AFG1L: variants seen among roughly 807,000 people sequenced by gnomAD.
AFG1L encodes AFG1 like ATPase.
Under a neutral mutation model 62.2 loss-of-function variants are expected in AFG1L, and 53 were observed. The ratio of observed to expected loss-of-function variants is 0.85; its 90% CI spans 0.68 to 1.07. The LOEUF (loss-of-function observed/expected upper bound fraction) is 1.07, where lower values mean the gene tolerates loss of function less well. AFG1L is among the 50% of genes least tolerant of loss of function. The pLI is 0.00. For missense variants in AFG1L, 555 were observed against 590.5 expected (o/e 0.94, Z 0.62); for synonymous variants, 228 against 210.3 (o/e 1.08, Z -0.73).
chr6:108,307,690 C>T (rs1777258725), intron 1 of AFG1L, among the ~76,000 whole-genome samples: 1 of 152,154 alleles, frequency 6.6e-6, no homozygotes, highest in South Asian at 2.1e-4. Flanking sequence ...TTCTGTTGGG[C>T]AGATACCAAA....
chr6:108,387,709 C>A (rs1006185493), intron 6 of AFG1L: 1 of 151,936 alleles, frequency 6.6e-6, no homozygotes, highest in Non-Finnish European at 1.5e-5. Context: ...TTTTTTCTTT[C>A]TTGTATCAAG....
intron 2 of AFG1L, among the ~76,000 whole-genome samples, chr6:108,332,922 C>G (rs1778331219): frequency 6.6e-6 from 1 of 151,910 alleles, no homozygotes; most frequent in African/African-American, 2.4e-5. Context: ...ATTTCTTATA[C>G]AAGATATGAA....
At chr6:108,382,117 C>T (rs1780565864) in intron 6 of AFG1L, among the ~76,000 whole-genome samples, 1 of 151,268 alleles carries the variant, frequency 6.6e-6, no homozygotes, top group South Asian at 2.1e-4. Flanking sequence ...TTTCCTGCCT[C>T]AGCCTCCCGA....
chr6:108,386,683 G>T (rs1780776593), intron 6 of AFG1L, among the ~76,000 whole-genome samples: 1 of 152,236 alleles, frequency 6.6e-6, no homozygotes, highest in South Asian at 2.1e-4. Context: ...AAATGTAATT[G>T]ATTGTTTTAC....
intron 8 of AFG1L, among the ~76,000 whole-genome samples, chr6:108,465,267 T>G (rs1002110668): frequency 1.3e-5 from 2 of 152,218 alleles, no homozygotes; most frequent in Admixed American, 1.3e-4. Flanking sequence ...TCATGTTAAA[T>G]TTAGTGCCGT....
chr6:108,334,928 G>A (rs916242793), intron 2 of AFG1L, among the ~76,000 whole-genome samples: 1 of 151,852 alleles, frequency 6.6e-6, no homozygotes, highest in African/African-American at 2.4e-5. Flanking sequence ...CCATCCTTTC[G>A]TTATGGCTCA....
chr6:108,381,647 ACATACGTGATTC>A (rs1562121645), intron 6 of AFG1L, among the ~76,000 whole-genome samples: 1 of 152,256 alleles, frequency 6.6e-6, no homozygotes, highest in Non-Finnish European at 1.5e-5. Context: ...TTGAAATTTC[ACATACGTGATTC>A]TCACGTTTTA....
At chr6:108,521,752 CAG>C (rs1185763434) in intron 12 of AFG1L, 3 of 152,540 alleles carry the variant, frequency 2.0e-5, no homozygotes, top group South Asian at 4.1e-4. Context: ...CTCACAGAGA[CAG>C]AGTTTCCCAA....
At chr6:108,379,713 A>C (rs1780415220) in intron 6 of AFG1L, among the ~76,000 whole-genome samples, 1 of 152,234 alleles carries the variant, frequency 6.6e-6, no homozygotes, top group South Asian at 2.1e-4. Context: ...AATTCTCTGC[A>C]TGAGGATGAG....
chr6:108,312,793 C>G (rs1037046043), intron 1 of AFG1L, among the ~76,000 whole-genome samples: 3 of 151,750 alleles, frequency 2.0e-5, no homozygotes, highest in African/African-American at 7.3e-5. Context: ...GAGGTAGAGT[C>G]TCACTCTGTT....
intron 6 of AFG1L, among the ~76,000 whole-genome samples, chr6:108,392,778 TA>T: frequency 6.6e-6 from 1 of 152,246 alleles, no homozygotes; most frequent in Non-Finnish European, 1.5e-5. Context: ...CATGAAACCA[TA>T]AAATTATTGT....
At chr6:108,429,197 T>C (rs1470199189) in intron 7 of AFG1L, among the ~76,000 whole-genome samples, 3 of 152,188 alleles carry the variant, frequency 2.0e-5, no homozygotes, top group Non-Finnish European at 4.4e-5. Context: ...TTTTTATATG[T>C]GTATTAGTCT....
At chr6:108,330,626 CT>C (rs987639195) in intron 2 of AFG1L, among the ~76,000 whole-genome samples, 2 of 152,146 alleles carry the variant, frequency 1.3e-5, no homozygotes, top group African/African-American at 4.8e-5. Flanking sequence ...GCACAGTCTT[CT>C]TTCTCTGATA....
At chr6:108,333,108 A>C (rs1270788825) in intron 2 of AFG1L, among the ~76,000 whole-genome samples, 5 of 152,364 alleles carry the variant, frequency 3.3e-5, no homozygotes, top group East Asian at 3.9e-4. Flanking sequence ...AAGATTTTTC[A>C]TCAAAAATAA....
At chr6:108,505,586 TA>T (rs397954639) in intron 10 of AFG1L, among the ~76,000 whole-genome samples, 5 of 151,906 alleles carry the variant, frequency 3.3e-5, no homozygotes, top group East Asian at 1.9e-4. Flanking sequence ...GAACTTTTTT[TA>T]AAAAAAAGTG....
chr6:108,474,309 T>C (rs1022607681), intron 8 of AFG1L, among the ~76,000 whole-genome samples: 2 of 152,218 alleles, frequency 1.3e-5, no homozygotes, highest in Non-Finnish European at 1.5e-5. Context: ...GTTGATTCCC[T>C]GTCTTTGCTG....
At chr6:108,343,727 C>T (rs1397741122) in intron 2 of AFG1L, among the ~76,000 whole-genome samples, 1 of 151,832 alleles carries the variant, frequency 6.6e-6, no homozygotes, top group African/African-American at 2.4e-5. Flanking sequence ...AACAAAAAAA[C>T]AAGAAAAATT....
At chr6:108,518,577 C>G (rs1774994130) in intron 11 of AFG1L, among the ~76,000 whole-genome samples, 1 of 151,898 alleles carries the variant, frequency 6.6e-6, no homozygotes, top group Non-Finnish European at 1.5e-5. Context: ...GTGCAGCACA[C>G]TAACATGGCA....
intron 10 of AFG1L, among the ~76,000 whole-genome samples, chr6:108,487,665 G>A (rs760392148): frequency 5.3e-5 from 8 of 152,160 alleles, no homozygotes; most frequent in Non-Finnish European, 1.2e-4. Context: ...GGGTTGGAAA[G>A]GCTCCAACAA....
Sources: gnomAD v4.1 joint callset for allele counts (sites outside exome capture counted in the v4.1 genomes callset) on GRCh38, gnomAD v4.1.1 for gene constraint, MANE v1.5 for transcripts, NCBI Gene and HGNC (gene_info 2026-07-23, HGNC 2026-07-21) for gene names.